Variants in MACROD2 observed in about 807,000 individuals in gnomAD.
MACROD2 encodes the protein ADP-ribose glycohydrolase MACROD2.
A neutral mutation model predicts 70.4 loss-of-function variants in MACROD2; 36 were observed. That is an observed-to-expected ratio of 0.51 (90% CI 0.39 to 0.68). MACROD2 has a LOEUF of 0.68. MACROD2 is among the 30% of genes least tolerant of loss of function. The probability of loss-of-function intolerance (pLI) is 0.00; values close to 1 mark genes in which losing one functional copy is unlikely to be tolerated. For synonymous variants in MACROD2, 172 were observed against 178.8 expected (o/e 0.96, Z 0.30); for missense variants, 496 against 538.4 (o/e 0.92, Z 0.78).
intron 10 of MACROD2, among the ~76,000 whole-genome samples, chr20:15,914,438 G>A (rs1261336738): frequency 6.6e-6 from 1 of 152,226 alleles, no homozygotes; most frequent in East Asian, 1.9e-4. Flanking sequence ...CGCATGATCA[G>A]TGGGAATTTG....
intron 5 of MACROD2, among the ~76,000 whole-genome samples, chr20:15,152,106 C>T (rs759437869): frequency 4.0e-5 from 6 of 151,840 alleles, no homozygotes; most frequent in East Asian, 1.9e-4. Flanking sequence ...GTCCATTTTA[C>T]GACAAGAATT....
intron 5 of MACROD2, among the ~76,000 whole-genome samples, chr20:15,077,015 G>T (rs1206491289): frequency 6.6e-6 from 1 of 152,142 alleles, no homozygotes; most frequent in Non-Finnish European, 1.5e-5. Context: ...CAGTGTTTTA[G>T]AAGAGACAAA....
chr20:15,123,548 G>A (rs757729659), intron 5 of MACROD2, among the ~76,000 whole-genome samples: 6 of 152,024 alleles, frequency 3.9e-5, no homozygotes, highest in East Asian at 1.9e-4. Context: ...TTGATTGCAT[G>A]TTTAAAGGTT....
At position 15,876,222 on chromosome 20, in the gene MACROD2, G is replaced by A. The variant is rs182564416; in HGVS notation, c.728-9542G>A. On this transcript the variant is annotated intron_variant, in intron 9 of 17. Transcript: ENST00000684519. ...GTCGGTGTGCTGCACCCATTAACTC[G>A]TCATTTACATTAAGTATATCTCCTA... 1.7e-3 allele frequency among the ~76,000 whole-genome samples: 261 copies of A among 151,164 alleles called. 1 individual carries two copies. Among genetic ancestry groups the A allele is most frequent in the African/African-American group, 4.5e-3 (186 of 40,982 alleles).
At chr20:14,625,649 A>C (rs1240850758) in intron 4 of MACROD2, among the ~76,000 whole-genome samples, 1 of 152,166 alleles carries the variant, frequency 6.6e-6, no homozygotes, top group East Asian at 1.9e-4. Context: ...CAAATGCCTA[A>C]TCTGACAGCA....
At chr20:14,960,063 C>G (rs1473254482) in intron 5 of MACROD2, among the ~76,000 whole-genome samples, 1 of 152,162 alleles carries the variant, frequency 6.6e-6, no homozygotes, top group Non-Finnish European at 1.5e-5. Flanking sequence ...AGACTAACAG[C>G]AAGAGAATCC....
At chr20:15,256,101 C>T (rs940314542) in intron 6 of MACROD2, among the ~76,000 whole-genome samples, 1 of 152,052 alleles carries the variant, frequency 6.6e-6, no homozygotes, top group Non-Finnish European at 1.5e-5. Flanking sequence ...GTATCTATTT[C>T]TGCACTGGGA....
At chr20:14,197,784 G>A (rs1014042627) in intron 3 of MACROD2, among the ~76,000 whole-genome samples, 1 of 152,016 alleles carries the variant, frequency 6.6e-6, no homozygotes, top group Non-Finnish European at 1.5e-5. Context: ...AAAGAAACTG[G>A]CATGTTTGCT....
In MACROD2 at chr20:15,461,006, A is replaced by ATATATATATATTTT; in HGVS notation, c.571+29572_571+29573insATATATATATTTTT. Among the ~76,000 whole-genome samples, 362 of 66,902 alleles carry ATATATATATATTTT rather than the reference A, an allele frequency of 5.4e-3. 5 individuals are homozygous for ATATATATATATTTT. The highest frequency in any genetic ancestry group is 9.6e-3 in the Non-Finnish European group (291 of 30,384). 43.9% of individuals were successfully genotyped at this position (66,902 alleles called of 152,430 possible). ...TATATATATATATATATATATATAT[A>ATATATATATATTTT]TTTTTTTTTAATAGATGGGGTCTTG... On this transcript the variant is annotated intron_variant, in intron 7 of 17. Transcript: ENST00000684519.
chr20:15,089,276 C>T (rs1282987202), intron 5 of MACROD2, among the ~76,000 whole-genome samples: 1 of 152,128 alleles, frequency 6.6e-6, no homozygotes, highest in Non-Finnish European at 1.5e-5. Context: ...TAAACCTTAA[C>T]ACTAATTAAG....
At position 14,275,337 on chromosome 20, in the gene MACROD2, AG is replaced by A. The variant is rs559822884; in HGVS notation, c.271+189610del. On this transcript the variant is annotated intron_variant, in intron 3 of 17. Coordinates refer to ENST00000684519, the MANE Select transcript of MACROD2 (RefSeq NM_001351661.2). ...TCAGAAATAACGTCGCATATCTGCA[AG>A]TATCTGATCTTTGACAAACCTGAGA... 5.2e-3 allele frequency among the ~76,000 whole-genome samples: 794 copies of A among 152,296 alleles called. 3 individuals are homozygous for A. The highest frequency in any genetic ancestry group is 6.9e-3 in the Non-Finnish European group (468 of 68,036).
intron 8 of MACROD2, among the ~76,000 whole-genome samples, chr20:15,814,289 G>C (rs756077298): frequency 6.6e-6 from 1 of 152,158 alleles, no homozygotes; most frequent in Non-Finnish European, 1.5e-5. Flanking sequence ...GTCAGCAGAA[G>C]ACTACTCTGC....
At chr20:15,210,784 G>C (rs2076756908) in intron 5 of MACROD2, among the ~76,000 whole-genome samples, 1 of 151,872 alleles carries the variant, frequency 6.6e-6, no homozygotes, top group African/African-American at 2.4e-5. Flanking sequence ...CTTTTCTCCT[G>C]CTCCAGCCAT....
intron 4 of MACROD2, among the ~76,000 whole-genome samples, chr20:14,510,285 A>T (rs1387898827): frequency 6.6e-6 from 1 of 151,934 alleles, no homozygotes; most frequent in Non-Finnish European, 1.5e-5. Flanking sequence ...TTGAAAAGAA[A>T]AATGTCTCTT....
At chr20:14,042,142 C>G (rs2053399320) in intron 2 of MACROD2, among the ~76,000 whole-genome samples, 1 of 151,998 alleles carries the variant, frequency 6.6e-6, no homozygotes, top group Non-Finnish European at 1.5e-5. Flanking sequence ...AGAAAGGAAC[C>G]ATGAACAAAA....
chr20:15,510,383 G>T (rs2047482562), intron 8 of MACROD2, among the ~76,000 whole-genome samples: 1 of 152,140 alleles, frequency 6.6e-6, no homozygotes, highest in African/African-American at 2.4e-5. Context: ...CCTCTACCTT[G>T]ATGGACTAGG....
chr20:14,689,390 A>G (rs558761995), intron 5 of MACROD2, among the ~76,000 whole-genome samples: 3 of 152,282 alleles, frequency 2.0e-5, no homozygotes, highest in Non-Finnish European at 4.4e-5. Flanking sequence ...ATGTATTGCT[A>G]TATTCATATA....
Position 14,524,264 on chromosome 20 carries a change from T to G in MACROD2, c.301+30756T>G, listed in dbSNP as rs565195656. 4.6e-5 allele frequency among the ~76,000 whole-genome samples: 7 copies of G among 152,346 alleles called. No homozygotes were observed. The East Asian group carries it at 9.7e-4, about 21-fold the overall frequency. Reference sequence around the variant, plus strand: ...ACATGGTGAAAATTTTTTAAAACTCTTCTTTAAAGTAGTCTTTCACCTTAA... The same window carrying G: ...ACATGGTGAAAATTTTTTAAAACTCGTCTTTAAAGTAGTCTTTCACCTTAA... On this transcript the variant is annotated intron_variant, in intron 4 of 17. Coordinates refer to ENST00000684519, the MANE Select transcript of MACROD2 (RefSeq NM_001351661.2).
rs751465287 is a variant in MACROD2 at position 16,044,531 on chromosome 20, T to C, written c.1232-40T>C. ...TTTTAATGTGTCTCAGAGATTTAGG[T>C]TTAATGAATATTTAACTTTTTTTTT... is the stretch of plus-strand genomic sequence containing the variant. On this transcript the variant is annotated intron_variant, in intron 16 of 17. Coordinates refer to ENST00000684519, the MANE Select transcript of MACROD2 (RefSeq NM_001351661.2). The C allele has an allele frequency of 4.5e-6, 7 of 1,559,684 alleles. No homozygotes were observed. In the South Asian group the frequency reaches 5.6e-5, roughly 13 times the overall value.
Sources: allele counts gnomAD v4.1 joint callset (sites outside exome capture counted in the v4.1 genomes callset), GRCh38; gene constraint gnomAD v4.1.1; transcripts MANE v1.5; gene names NCBI Gene and HGNC (gene_info 2026-07-23, HGNC 2026-07-21).